The following TCTA variants were observed in gnomAD, a reference collection of about 807,000 sequenced individuals.
The protein encoded by TCTA is T-cell leukemia translocation-altered gene protein.
In TCTA, 13 loss-of-function variants were observed where a neutral mutation model predicts 13.5. That is an observed-to-expected ratio of 0.96 (90% CI 0.63 to 1.53). TCTA has a LOEUF of 1.53. TCTA is among the 40% of genes most tolerant of loss of function. TCTA has a pLI of 0.00. For synonymous variants in TCTA, 58 were observed against 59.0 expected, an observed-to-expected ratio of 0.98 and a Z score of 0.08; for missense variants, 138 against 131.3, an observed-to-expected ratio of 1.05 and a Z score of -0.25.
At chr3:49,413,352 A>C in intron 2 of TCTA, 1 of 550,858 alleles carries the variant, frequency 1.8e-6, no homozygotes, top group Non-Finnish European at 3.3e-6. Context: ...AATTTCAGAG[A>C]GATGAAATGA....
chr3:49,412,964 C>T, intron 1 of TCTA, 92 bp from the exon 2 acceptor site: 1 of 1,348,270 alleles, frequency 7.4e-7, no homozygotes, highest in African/African-American at 1.4e-5. Flanking sequence ...CTTCACCAAA[C>T]AATACCAGTG....
chr3:49,414,851 C>T lies in TCTA; in HGVS notation c.301C>T (p.His101Tyr), dbSNP rs140995041. 4 of 1,613,936 alleles carry T rather than the reference C, an allele frequency of 2.5e-6. No homozygotes were observed. The highest frequency in any genetic ancestry group is 1.7e-6 in the Non-Finnish European group (2 of 1,179,872). The change falls in exon 3 of 3, where the codon CAC (histidine) becomes TAC (tyrosine). Residue 101 changes from histidine to tyrosine, a missense_variant. By Grantham distance (83) the His-to-Tyr change is moderately conservative. Transcript: ENST00000273590. ...EMAANEPLKT[H>Y]RE ...GGCAGCAAACGAACCTCTCAAAACCCACAGAGAATAAGGGAAGGCAGCAGA... is the reference window on the plus strand; with the variant it reads ...GGCAGCAAACGAACCTCTCAAAACCTACAGAGAATAAGGGAAGGCAGCAGA...
intron 2 of TCTA, among the ~76,000 whole-genome samples, chr3:49,414,451 T>C (rs1346478145): frequency 2.6e-5 from 4 of 152,182 alleles, no homozygotes; most frequent in Admixed American, 2.6e-4. Context: ...GGAAAATTGC[T>C]TGAACCCGGG....
Position 49,415,001 on chromosome 3 carries a change from GGGCC to G in TCTA, c.*140_*143del. ...GGGAGTACCCAGTGCCTACAGGGCT[GGGCC>G]TCTTCTGCCTCTTAAGCCTGCTCCC... On this transcript the variant is annotated 3_prime_UTR_variant, in exon 3 of 3. Coordinates refer to ENST00000273590, the MANE Select transcript of TCTA (RefSeq NM_022171.3). 2 of 1,024,106 alleles carry G rather than the reference GGGCC, an allele frequency of 2.0e-6. No individual in the cohort carries two copies. The highest frequency in any genetic ancestry group is 2.9e-6 in the Non-Finnish European group (2 of 689,462). The allele number at this position is 1,024,106 out of a possible 1,614,324, so 63.4% of individuals were successfully genotyped here. A position where few individuals can be genotyped will look rare whatever the true frequency, so the allele number is the denominator to read the frequency against.
rs1207608442 is a variant in TCTA, at chr3:49,414,966, G to A, written c.*104G>A. 1.4e-5 allele frequency: 21 copies of A among 1,467,876 alleles called. No homozygotes were observed. Among genetic ancestry groups the A allele is most frequent in the Admixed American group, 3.6e-5 (2 of 55,438 alleles). 90.9% of individuals were successfully genotyped at this position (1,467,876 alleles called of 1,614,324 possible). ...CAGGGACAACTGCCGGGGGTTCAGG[G>A]TTGGTAGCAGGGAGTACCCAGTGCC... On this transcript the variant is annotated 3_prime_UTR_variant, in exon 3 of 3. Transcript: ENST00000273590.
chr3:49,413,252 C>A, intron 2 of TCTA, 142 bp downstream of exon 2: 1 of 886,980 alleles, frequency 1.1e-6, no homozygotes, highest in Non-Finnish European at 1.8e-6. Context: ...GCACGTAGAG[C>A]TCAGGCTTCA....
intron 2 of TCTA, 57 bp from the exon 3 acceptor site, chr3:49,414,763 G>T: frequency 6.2e-7 from 1 of 1,609,344 alleles, no homozygotes; most frequent in South Asian, 1.1e-5. Flanking sequence ...GCCAATTTCA[G>T]CAACTGTTCT....
At chr3:49,413,021 G>C in intron 1 of TCTA, 35 bp from the exon 2 acceptor site, 1 of 1,612,362 alleles carries the variant, frequency 6.2e-7, no homozygotes, top group Non-Finnish European at 8.5e-7. Context: ...TCCCACCCCA[G>C]CCTTCTGCAG....
At position 49,412,618 on chromosome 3, in the gene TCTA, G is replaced by A. The variant is rs1477712204; in HGVS notation, c.192G>A (p.Val64=). The A allele has an allele frequency of 6.2e-7, 1 of 1,614,188 alleles. No homozygotes were observed. Among genetic ancestry groups the A allele is most frequent in the African/African-American group, 1.3e-5 (1 of 75,076 alleles). The change falls in exon 1 of 3, where the codon GTG becomes GTA. Residue 64 remains valine, a synonymous_variant. Coordinates refer to ENST00000273590, the MANE Select transcript of TCTA (RefSeq NM_022171.3). ...QLAWGFYGNT[V]TGLYHRPGLG... is the part of the protein sequence containing the mutation. ...CGTGGGGGTTCTACGGGAATACAGT[G>A]ACCGGGTTGTATCACCGTCCAGGTG...
At position 49,412,509 on chromosome 3, in the gene TCTA, A is replaced by G; in HGVS notation, c.83A>G (p.Glu28Gly). 1 of 1,614,140 alleles carries G rather than the reference A, an allele frequency of 6.2e-7. No homozygotes were observed. Among genetic ancestry groups the G allele is most frequent in the Non-Finnish European group, 8.5e-7 (1 of 1,180,026 alleles). ...LGALGSEFLR[E>G]WEAQDMRVTL... Reference sequence around the variant, plus strand: ...GCGCTGGGCAGCGAGTTCTTGCGGGAGTGGGAGGCGCAGGACATGCGCGTG... The same window carrying G: ...GCGCTGGGCAGCGAGTTCTTGCGGGGGTGGGAGGCGCAGGACATGCGCGTG... The change falls in exon 1 of 3, where the codon GAG (glutamate) becomes GGG (glycine). Residue 28 changes from glutamate (E) to glycine (G), a missense_variant. Glu to Gly is a moderately conservative substitution (Grantham distance 98, BLOSUM62 -2). Transcript: ENST00000273590.
At position 49,412,502 on chromosome 3, in the gene TCTA, T is replaced by C. The variant is rs1474552908; in HGVS notation, c.76T>C (p.Leu26=). 1 of 1,614,072 alleles carries C rather than the reference T, an allele frequency of 6.2e-7. No homozygotes were observed. Among genetic ancestry groups the C allele is most frequent in the Non-Finnish European group, 8.5e-7 (1 of 1,180,046 alleles). ...TVLGALGSEF[L]REWEAQDMRV... ...GCTGGGCGCGCTGGGCAGCGAGTTC[T>C]TGCGGGAGTGGGAGGCGCAGGACAT... Residue 26 remains leucine, a synonymous_variant, in exon 1 of 3, where the codon TTG becomes CTG. Coordinates refer to ENST00000273590, the MANE Select transcript of TCTA (RefSeq NM_022171.3).
In TCTA at chr3:49,416,293, C is replaced by T; in HGVS notation, c.*1431C>T. On this transcript the variant is annotated 3_prime_UTR_variant, in exon 3 of 3. Transcript: ENST00000273590. ...TACTTCCTTCCTGTTGGATATCATA[C>T]TTCCATCTGGCTGCCTTTGCTTAAG... 5.9e-6 allele frequency: 1 copy of T among 169,930 alleles called. No homozygotes were observed. Among genetic ancestry groups the T allele is most frequent in the South Asian group, 1.3e-4 (1 of 7,678 alleles). The allele number at this position is 169,930 out of a possible 1,614,324, so 10.5% of individuals were successfully genotyped here.
chr3:49,414,957 G>T lies in TCTA; in HGVS notation c.*95G>T. Reference sequence around the variant, plus strand: ...CCCAGACCTCAGGGACAACTGCCGGGGGTTCAGGGTTGGTAGCAGGGAGTA... The same window carrying T: ...CCCAGACCTCAGGGACAACTGCCGGTGGTTCAGGGTTGGTAGCAGGGAGTA... On this transcript the variant is annotated 3_prime_UTR_variant, in exon 3 of 3. Transcript: ENST00000273590. 1 of 1,524,666 alleles carries T rather than the reference G, an allele frequency of 6.6e-7. No individual in the cohort carries two copies. Among genetic ancestry groups the T allele is most frequent in the Non-Finnish European group, 9.0e-7 (1 of 1,107,614 alleles). The allele number at this position is 1,524,666 out of a possible 1,614,324, so 94.4% of individuals were successfully genotyped here.
chr3:49,415,951 C>A lies in TCTA; in HGVS notation c.*1089C>A, dbSNP rs1272643151. 1 of 152,256 alleles carries A rather than the reference C, an allele frequency of 6.6e-6. No homozygotes were observed. Among genetic ancestry groups the A allele is most frequent in the Non-Finnish European group, 1.5e-5 (1 of 68,102 alleles). The allele number at this position is 152,256 out of a possible 1,614,324, so 9.4% of individuals were successfully genotyped here. A position where few individuals can be genotyped will look rare whatever the true frequency, so the allele number is the denominator to read the frequency against. ...GGAATGTGGGTCTGCACCTTGTCCCCTCATAGGATGGTACCAAGCATTTAG... is the reference window on the plus strand; with the variant it reads ...GGAATGTGGGTCTGCACCTTGTCCCATCATAGGATGGTACCAAGCATTTAG... On this transcript the variant is annotated 3_prime_UTR_variant, in exon 3 of 3. Coordinates refer to ENST00000273590, the MANE Select transcript of TCTA (RefSeq NM_022171.3).
At chr3:49,413,994 CT>C (rs756470482) in intron 2 of TCTA, among the ~76,000 whole-genome samples, 1 of 152,182 alleles carries the variant, frequency 6.6e-6, no homozygotes, top group Non-Finnish European at 1.5e-5. Context: ...AATCCCAGCA[CT>C]TTGGGAGGCT....
intron 2 of TCTA, chr3:49,413,533 A>C (rs1235187291): frequency 1.9e-5 from 3 of 159,232 alleles, no homozygotes; most frequent in African/African-American, 4.8e-5. Flanking sequence ...GATAGGGGCC[A>C]CACGAGGCCC....
intron 2 of TCTA, among the ~76,000 whole-genome samples, chr3:49,413,586 G>C (rs2048976278): frequency 6.6e-6 from 1 of 152,084 alleles, no homozygotes; most frequent in South Asian, 2.1e-4. Context: ...GGGAGCCAGG[G>C]ATTTATTAGG....
rs776267933 is a variant in TCTA at position 49,412,452 on chromosome 3, C to T, written c.26C>T (p.Ala9Val). The T allele has an allele frequency of 6.2e-7, 1 of 1,612,142 alleles. No individual in the cohort carries two copies. The highest frequency in any genetic ancestry group is 2.2e-5 in the East Asian group (1 of 44,874). Reference sequence around the variant, plus strand: ...ATGGCGGAGTCCTGGTCTGGGCAGGCCTTGCAGGCTCTGCCGGCCACGGTG... The same window carrying T: ...ATGGCGGAGTCCTGGTCTGGGCAGGTCTTGCAGGCTCTGCCGGCCACGGTG... MAESWSGQ[A>V]LQALPATVLG... The change falls in exon 1 of 3, where the codon GCC becomes GTC. Residue 9 changes from alanine (A) to valine (V), a missense_variant. Physicochemically the swap from Ala to Val is moderately conservative, Grantham distance 64. Coordinates refer to ENST00000273590, the MANE Select transcript of TCTA (RefSeq NM_022171.3).
Position 49,413,061 on chromosome 3 carries a change from G to T in TCTA, c.220G>T (p.Gly74Cys). ...VTGLYHRPGLGGQNGSTPDGS... is the reference protein window; with the variant it reads ...VTGLYHRPGLCGQNGSTPDGS... ...GGATGTGTTTCTGCCTCCAGGTCTG[G>T]GTGGTCAGAATGGATCCACGCCTGA... The change falls in exon 2 of 3, where the codon GGT becomes TGT. Residue 74 changes from glycine to cysteine, a missense_variant. Gly to Cys is a radical substitution (Grantham distance 159). Coordinates refer to ENST00000273590, the MANE Select transcript of TCTA (RefSeq NM_022171.3). The T allele has an allele frequency of 6.2e-7, 1 of 1,614,104 alleles. No individual in the cohort carries two copies. The highest frequency in any genetic ancestry group is 1.1e-5 in the South Asian group (1 of 91,060).
Sources: allele counts gnomAD v4.1 joint callset (sites outside exome capture counted in the v4.1 genomes callset), GRCh38; gene constraint gnomAD v4.1.1; transcripts MANE v1.5; gene names NCBI Gene and HGNC (gene_info 2026-07-23, HGNC 2026-07-21).